The following PTPRD variants were observed in gnomAD, a reference collection of about 807,000 sequenced individuals.
PTPRD encodes protein tyrosine phosphatase receptor type D.
PTPRD carries 34 observed loss-of-function variants against 214.5 expected under a neutral mutation model. The observed-to-expected ratio is 0.16, with a 90% CI of 0.12 to 0.21. The LOEUF is 0.21. Ranked by LOEUF, PTPRD falls within the 10% of genes least tolerant of loss-of-function variation. PTPRD has a pLI of 1.00. For missense variants in PTPRD, 2,545 were observed against 2,398.7 expected, an observed-to-expected ratio of 1.06 and a Z score of -1.27; for synonymous variants, 1,128 against 845.7, an observed-to-expected ratio of 1.33 and a Z score of -5.79.
intron 5 of PTPRD, among the ~76,000 whole-genome samples, chr9:9,903,499 T>C (rs954762922): frequency 3.9e-5 from 6 of 152,096 alleles, no homozygotes; most frequent in Non-Finnish European, 7.4e-5. Flanking sequence ...CAATAAATAA[T>C]GGGTATTTCT....
chr9:9,266,740 A>T (rs978518549), intron 9 of PTPRD, among the ~76,000 whole-genome samples: 22 of 151,382 alleles, frequency 1.5e-4, no homozygotes, highest in Non-Finnish European at 4.4e-5. Flanking sequence ...AAAGGAATTT[A>T]AAAAATATTT....
At chr9:8,992,796 G>C (rs746550521) in intron 11 of PTPRD, among the ~76,000 whole-genome samples, 2 of 152,096 alleles carry the variant, frequency 1.3e-5, no homozygotes, top group Admixed American at 6.6e-5. Flanking sequence ...ATTATGCCAC[G>C]CCTTAAGTGA....
intron 14 of PTPRD, among the ~76,000 whole-genome samples, chr9:8,530,513 G>C (rs753365155): frequency 1.3e-5 from 2 of 151,952 alleles, no homozygotes; most frequent in Non-Finnish European, 2.9e-5. Flanking sequence ...CAAATCCACT[G>C]TCTTGTACTT....
At chr9:8,594,863 T>TCC (rs2094385527) in intron 14 of PTPRD, among the ~76,000 whole-genome samples, 2 of 144,008 alleles carry the variant, frequency 1.4e-5, no homozygotes, top group African/African-American at 5.1e-5. Context: ...TTAACCCCTT[T>TCC]TTTTTTTTTT....
At chr9:9,244,245 C>T (rs1481366189) in intron 9 of PTPRD, among the ~76,000 whole-genome samples, 1 of 152,110 alleles carries the variant, frequency 6.6e-6, no homozygotes, top group East Asian at 1.9e-4. Context: ...CCATCCCCAT[C>T]TAGCTACCAA....
chr9:8,439,220 G>C (rs2095460404), intron 34 of PTPRD, among the ~76,000 whole-genome samples: 1 of 152,140 alleles, frequency 6.6e-6, no homozygotes, highest in Admixed American at 6.5e-5. Context: ...CTGGACATGG[G>C]TTCTACTTCT....
At chr9:8,647,250 AATTTTT>A (rs977191823) in intron 12 of PTPRD, among the ~76,000 whole-genome samples, 11 of 152,166 alleles carry the variant, frequency 7.2e-5, no homozygotes, top group Non-Finnish European at 1.6e-4. Context: ...TTGTGTTTTT[AATTTTT>A]AAGTAAAATG....
intron 5 of PTPRD, among the ~76,000 whole-genome samples, chr9:9,933,951 A>C (rs1206064355): frequency 6.9e-6 from 1 of 145,690 alleles, no homozygotes; most frequent in Non-Finnish European, 1.5e-5. Context: ...ACTACATGGA[A>C]ACTGAACAAC....
chr9:9,941,597 A>C (rs1231170240), intron 4 of PTPRD, among the ~76,000 whole-genome samples: 1 of 152,226 alleles, frequency 6.6e-6, no homozygotes, highest in Admixed American at 6.5e-5. Flanking sequence ...TGCTAGGATT[A>C]CTGGCGTGAG....
chr9:8,816,209 A>G (rs1019534515), intron 11 of PTPRD, among the ~76,000 whole-genome samples: 9 of 152,240 alleles, frequency 5.9e-5, no homozygotes, highest in Non-Finnish European at 7.3e-5. Flanking sequence ...TTAAAAATCC[A>G]TAACAGACAT....
At chr9:8,466,941 C>G (rs1226381107) in intron 31 of PTPRD, among the ~76,000 whole-genome samples, 1 of 151,746 alleles carries the variant, frequency 6.6e-6, no homozygotes, top group African/African-American at 2.4e-5. Flanking sequence ...TGGCTTCAGA[C>G]TGTATATATG....
chr9:8,742,773 T>C (rs2092221757), intron 11 of PTPRD, among the ~76,000 whole-genome samples: 1 of 152,210 alleles, frequency 6.6e-6, no homozygotes, highest in Non-Finnish European at 1.5e-5. Context: ...TTCATTATGA[T>C]AGCTCAAAGA....
chr9:9,972,663 A>C (rs2154051060), intron 4 of PTPRD, among the ~76,000 whole-genome samples: 1 of 152,302 alleles, frequency 6.6e-6, no homozygotes, highest in African/African-American at 2.4e-5. Context: ...ACTATGCTAA[A>C]GTCAAGGTGT....
chr9:8,447,525 T>A (rs947766137), intron 34 of PTPRD, among the ~76,000 whole-genome samples: 5 of 152,194 alleles, frequency 3.3e-5, no homozygotes, highest in African/African-American at 1.2e-4. Flanking sequence ...CAAAATTACA[T>A]CTGAAAGTGA....
chr9:10,466,751 T>TA (rs1298785416), intron 2 of PTPRD, among the ~76,000 whole-genome samples: 4 of 151,820 alleles, frequency 2.6e-5, no homozygotes, highest in Non-Finnish European at 5.9e-5. Context: ...ACATAAAGTT[T>TA]AAAAAATGGT....
At chr9:10,327,221 C>T (rs2096660502) in intron 3 of PTPRD, among the ~76,000 whole-genome samples, 1 of 147,598 alleles carries the variant, frequency 6.8e-6, no homozygotes, top group African/African-American at 2.5e-5. Context: ...TTCTGTAAAT[C>T]TTGCAGTTCA....
At chr9:9,001,721 G>A (rs7859916) in intron 11 of PTPRD, among the ~76,000 whole-genome samples, 15,795 of 152,000 alleles carry the variant, frequency 0.1, 952 homozygotes, top group Middle Eastern at 0.14. Flanking sequence ...AGTTCTAAAT[G>A]AGTGACTTAC....
chr9:8,965,454 T>C (rs1391412717), intron 11 of PTPRD, among the ~76,000 whole-genome samples: 1 of 152,122 alleles, frequency 6.6e-6, no homozygotes, highest in Non-Finnish European at 1.5e-5. Flanking sequence ...CCCCCACTTT[T>C]ATTGTGTGGC....
chr9:9,512,802 T>C (rs1161206798), intron 8 of PTPRD, among the ~76,000 whole-genome samples: 1 of 151,366 alleles, frequency 6.6e-6, no homozygotes. Flanking sequence ...ATCTTAAACT[T>C]GGGTTTCTGG....
Sources: allele counts gnomAD v4.1 joint callset (sites outside exome capture counted in the v4.1 genomes callset), GRCh38; gene constraint gnomAD v4.1.1; transcripts MANE v1.5; gene names NCBI Gene and HGNC (gene_info 2026-07-23, HGNC 2026-07-21).